FRMD4A: variants seen among roughly 807,000 people sequenced by gnomAD.
The protein encoded by FRMD4A is FERM domain-containing protein 4A.
FRMD4A carries 29 observed loss-of-function variants against 129.1 expected under a neutral mutation model. The ratio of observed to expected loss-of-function variants is 0.22; its 90% CI spans 0.17 to 0.31. FRMD4A has a LOEUF of 0.31. Among genes scored for constraint, FRMD4A ranks in the 10% least tolerant of loss-of-function variants. The pLI is 1.00. For synonymous variants in FRMD4A, 634 were observed against 571.6 expected, an observed-to-expected ratio of 1.11 and a Z score of -1.56; for missense variants, 1,272 against 1,375.8, an observed-to-expected ratio of 0.92 and a Z score of 1.19.
At chr10:13,825,906 C>A (rs1223061714) in intron 3 of FRMD4A, among the ~76,000 whole-genome samples, 4 of 152,244 alleles carry the variant, frequency 2.6e-5, no homozygotes, top group Non-Finnish European at 5.9e-5. Flanking sequence ...CAGGGTCCTG[C>A]AACCAATGCC....
intron 2 of FRMD4A, among the ~76,000 whole-genome samples, chr10:13,964,733 G>A (rs1485737402): frequency 7.4e-5 from 11 of 149,588 alleles, no homozygotes; most frequent in Non-Finnish European, 1.2e-4. Flanking sequence ...GTGCAATGGC[G>A]CGATCTCAGC....
chr10:14,289,687 C>T (rs1054558332), intron 2 of FRMD4A, among the ~76,000 whole-genome samples: 5 of 152,050 alleles, frequency 3.3e-5, no homozygotes, highest in Admixed American at 2.0e-4. Flanking sequence ...AAACTTCTAA[C>T]GGTGGGAACA....
Position 14,124,124 on chromosome 10 carries a change from C to T in FRMD4A, c.45+205934G>A, listed in dbSNP as rs545254853. On this transcript the variant is annotated intron_variant, in intron 2 of 24. Coordinates refer to ENST00000357447, the MANE Select transcript of FRMD4A (RefSeq NM_018027.5). The stretch of plus-strand genomic sequence containing the variant: ...CTGTCCTGAGCAGGTGTTACAAATG[C>T]CCTCCCTGAGAGTCTCCAGGGCCTC... 1.1e-4 allele frequency among the ~76,000 whole-genome samples: 16 copies of T among 152,304 alleles called. No individual in the cohort carries two copies. The South Asian group carries it at 3.3e-3, about 32-fold the overall frequency.
intron 2 of FRMD4A, among the ~76,000 whole-genome samples, chr10:14,276,236 G>C (rs753034549): frequency 1.3e-5 from 2 of 152,196 alleles, no homozygotes; most frequent in Admixed American, 1.3e-4. Flanking sequence ...ATGCCTGCCA[G>C]ATGCTGCCTG....
At chr10:14,204,642 C>T (rs1282465016) in intron 2 of FRMD4A, among the ~76,000 whole-genome samples, 2 of 152,068 alleles carry the variant, frequency 1.3e-5, no homozygotes, top group African/African-American at 4.8e-5. Context: ...CCCTTAGCTG[C>T]CTTTTGCAGG....
At chr10:13,665,034 CA>C (rs1366228246) in intron 18 of FRMD4A, among the ~76,000 whole-genome samples, 1 of 152,144 alleles carries the variant, frequency 6.6e-6, no homozygotes, top group African/African-American at 2.4e-5. Context: ...AGGCATGCGC[CA>C]CCACGCCTGG....
intron 2 of FRMD4A, among the ~76,000 whole-genome samples, chr10:14,094,747 A>G (rs1836853652): frequency 1.3e-5 from 2 of 152,222 alleles, no homozygotes; most frequent in Admixed American, 1.3e-4. Flanking sequence ...CTGGAGAAGT[A>G]GATTGCTCAG....
At chr10:13,783,450 G>T (rs1302745697) in intron 5 of FRMD4A, among the ~76,000 whole-genome samples, 2 of 151,732 alleles carry the variant, frequency 1.3e-5, no homozygotes, top group African/African-American at 2.4e-5. Flanking sequence ...GTGCAGTGGT[G>T]CATGGCTTAC....
chr10:14,123,521 A>G (rs765200185), intron 2 of FRMD4A, among the ~76,000 whole-genome samples: 2 of 152,224 alleles, frequency 1.3e-5, no homozygotes, highest in Non-Finnish European at 1.5e-5. Flanking sequence ...AGAAGGCTCA[A>G]GCTCCTGGGT....
intron 8 of FRMD4A, among the ~76,000 whole-genome samples, chr10:13,759,066 TGG>T (rs754924503): frequency 6.6e-6 from 1 of 152,164 alleles, no homozygotes; most frequent in Non-Finnish European, 1.5e-5. Flanking sequence ...TTTACTAGCA[TGG>T]GCCTGCTACA....
chr10:13,700,252 C>T (rs1207566434), intron 14 of FRMD4A, among the ~76,000 whole-genome samples: 1 of 143,142 alleles, frequency 7.0e-6, no homozygotes, highest in African/African-American at 2.6e-5. Flanking sequence ...CCAGCCCTGT[C>T]CTCTTTTCTT....
At chr10:14,045,250 G>T (rs1833940511) in intron 2 of FRMD4A, among the ~76,000 whole-genome samples, 1 of 152,116 alleles carries the variant, frequency 6.6e-6, no homozygotes, top group Non-Finnish European at 1.5e-5. Context: ...TAGCAAAACT[G>T]CTTGCTCCTC....
chr10:14,038,322 C>CA (rs1463821235), intron 2 of FRMD4A, among the ~76,000 whole-genome samples: 1 of 151,964 alleles, frequency 6.6e-6, no homozygotes, highest in Non-Finnish European at 1.5e-5. Flanking sequence ...GACTCCGTCT[C>CA]AAAATAAATA....
intron 2 of FRMD4A, among the ~76,000 whole-genome samples, chr10:14,312,708 T>A (rs1846594438): frequency 6.6e-6 from 1 of 151,774 alleles, no homozygotes; most frequent in African/African-American, 2.4e-5. Flanking sequence ...ATAAAAAAAA[T>A]ACAAAAAATT....
intron 12 of FRMD4A, among the ~76,000 whole-genome samples, chr10:13,711,335 A>G (rs1251160038): frequency 6.6e-6 from 1 of 152,254 alleles, no homozygotes; most frequent in Non-Finnish European, 1.5e-5. Context: ...AACAAACAGG[A>G]GATGCTCCAC....
chr10:14,176,316 G>A (rs1841724246), intron 2 of FRMD4A, among the ~76,000 whole-genome samples: 1 of 151,844 alleles, frequency 6.6e-6, no homozygotes, highest in Non-Finnish European at 1.5e-5. Flanking sequence ...TTTCTCTGTG[G>A]GATTGCAAAC....
chr10:14,185,533 G>T (rs140050214), intron 2 of FRMD4A, among the ~76,000 whole-genome samples: 7 of 152,166 alleles, frequency 4.6e-5, no homozygotes, highest in Admixed American at 1.3e-4. Flanking sequence ...GTAGAACTAT[G>T]GAAACTTGAA....
intron 3 of FRMD4A, among the ~76,000 whole-genome samples, chr10:13,824,878 G>A (rs982485349): frequency 2.3e-5 from 3 of 130,316 alleles, no homozygotes; most frequent in Non-Finnish European, 4.7e-5. Flanking sequence ...CTAGGTGACA[G>A]AGCAAGACTC....
chr10:14,139,791 C>T (rs552369727), intron 2 of FRMD4A, among the ~76,000 whole-genome samples: 25 of 152,224 alleles, frequency 1.6e-4, no homozygotes, highest in Admixed American at 6.5e-4. Flanking sequence ...CTTGGGCTTC[C>T]GGGACAGCAG....
Sources: allele counts gnomAD v4.1 joint callset (sites outside exome capture counted in the v4.1 genomes callset), GRCh38; gene constraint gnomAD v4.1.1; transcripts MANE v1.5; gene names NCBI Gene and HGNC (gene_info 2026-07-23, HGNC 2026-07-21).